The following ACAD10 variants were observed in gnomAD, a reference collection of about 807,000 sequenced individuals.
The protein encoded by ACAD10 is acyl-CoA dehydrogenase family member 10, also known as ACAD-10.
Under a neutral mutation model 116.8 loss-of-function variants are expected in ACAD10, and 112 were observed. The ratio of observed to expected loss-of-function variants is 0.96; its 90% confidence interval spans 0.82 to 1.12. ACAD10 has a LOEUF of 1.12. ACAD10 is among the 50% of genes most tolerant of loss of function. The pLI is 0.00. For synonymous variants in ACAD10, 486 were observed against 510.6 expected, an observed-to-expected ratio of 0.95 and a Z score of 0.65; for missense variants, 1,259 against 1,350.2, an observed-to-expected ratio of 0.93 and a Z score of 1.06.
intron 1 of ACAD10, chr12:111,688,285 A>G (rs551853049): frequency 1.3e-5 from 2 of 152,344 alleles, no homozygotes; most frequent in African/African-American, 4.8e-5. Context: ...AAAACTGAAA[A>G]TGCAAATGAA....
intron 19 of ACAD10, 22 bp from the exon 20 acceptor site, chr12:111,755,646 T>C (rs768242844): frequency 6.2e-7 from 1 of 1,608,746 alleles, no homozygotes; most frequent in Non-Finnish European, 8.5e-7. Flanking sequence ...TCTTTTATGA[T>C]CGCATCTCCT....
chr12:111,716,805 G>A (rs1327773380), intron 7 of ACAD10, among the ~76,000 whole-genome samples: 2 of 152,166 alleles, frequency 1.3e-5, no homozygotes, highest in East Asian at 1.9e-4. Flanking sequence ...GCACTGAGCC[G>A]AGGTGGGCAC....
Position 111,715,862 on chromosome 12 carries a change from C to T in ACAD10, c.892C>T (p.Pro298Ser), listed in dbSNP as rs749280557. ...LLQFDHGQSN[P>S]TYYIRLANRD... ...TCAGTTTGATCACGGGCAGTCAAAT[C>T]CAACTTACTACATCAGGCTGGCTAA... is the stretch of plus-strand genomic sequence containing the variant. Residue 298 changes from proline (P) to serine (S), a missense_variant, in exon 7 of 21, where the codon CCA (proline) becomes TCA (serine). Physicochemically the swap from Pro to Ser is moderately conservative, Grantham distance 74 (BLOSUM62 -1). Transcript: ENST00000313698. 2.5e-6 allele frequency: 4 copies of T among 1,614,092 alleles called. No individual in the cohort carries two copies. Among genetic ancestry groups the T allele is most frequent in the Non-Finnish European group, 3.4e-6 (4 of 1,180,030 alleles).
intron 8 of ACAD10, 82 bp downstream of exon 8, chr12:111,721,821 TAA>T: frequency 8.3e-7 from 1 of 1,203,822 alleles, no homozygotes; most frequent in Non-Finnish European, 1.1e-6. Flanking sequence ...TCCAATTTGT[TAA>T]AGACAAATAA....
intron 1 of ACAD10, among the ~76,000 whole-genome samples, chr12:111,689,448 T>C (rs1887975931): frequency 6.6e-6 from 1 of 151,940 alleles, no homozygotes; most frequent in Admixed American, 6.6e-5. Flanking sequence ...CTTGGTTCAC[T>C]GCAACCTCCA....
At position 111,726,663 on chromosome 12, in the gene ACAD10, C is replaced by A. The variant is rs187765421; in HGVS notation, c.1062-1299C>A. 1.6e-4 allele frequency among the ~76,000 whole-genome samples: 24 copies of A among 151,358 alleles called. No individual in the cohort carries two copies. In the East Asian group the frequency reaches 3.9e-3, roughly 25 times the overall value. On this transcript the variant is annotated intron_variant, in intron 8 of 20. Transcript: ENST00000313698. ...GATTACGAGGTCAGGAGATTGAGAC[C>A]ATCCTGGCTAACAGAGTGAAACACC...
chr12:111,740,536 G>C (rs901501172), intron 12 of ACAD10, among the ~76,000 whole-genome samples: 60 of 150,318 alleles, frequency 4.0e-4, no homozygotes, highest in Non-Finnish European at 8.1e-4. Flanking sequence ...GAGGCGGGGG[G>C]ATCACGAGGT....
chr12:111,727,845 A>G (rs1164839594), intron 8 of ACAD10, 117 bp from the exon 9 acceptor site: 4 of 1,041,858 alleles, frequency 3.8e-6, no homozygotes, highest in East Asian at 4.8e-5. Context: ...CTGGGTCTGA[A>G]CTCTTCACCA....
intron 1 of ACAD10, among the ~76,000 whole-genome samples, chr12:111,687,892 C>T (rs192813044): frequency 1.1e-3 from 168 of 151,060 alleles, no homozygotes; most frequent in Non-Finnish European, 2.1e-3. Context: ...TATTTTGAGA[C>T]GGAGTCTCAC....
chr12:111,752,289 T>C (rs1201375783), intron 18 of ACAD10, among the ~76,000 whole-genome samples: 1 of 151,864 alleles, frequency 6.6e-6, no homozygotes, highest in Non-Finnish European at 1.5e-5. Context: ...TTGTTGTTGT[T>C]GTTGTTGTTG....
At chr12:111,699,503 G>A (rs1422107221) in intron 2 of ACAD10, among the ~76,000 whole-genome samples, 20 of 152,056 alleles carry the variant, frequency 1.3e-4, no homozygotes. Flanking sequence ...TATACAAATT[G>A]GATCATATGC....
At chr12:111,721,977 T>C in intron 8 of ACAD10, 1 of 349,510 alleles carries the variant, frequency 2.9e-6, no homozygotes, top group Non-Finnish European at 5.1e-6. Context: ...AAAATACATA[T>C]TAATCTAGTT....
chr12:111,748,614 G>T (rs957618092), intron 17 of ACAD10, 139 bp downstream of exon 17: 1 of 913,814 alleles, frequency 1.1e-6, no homozygotes, highest in Non-Finnish European at 1.6e-6. Context: ...ACATGCTCCT[G>T]CATTTCATTT....
intron 2 of ACAD10, among the ~76,000 whole-genome samples, chr12:111,695,273 A>G (rs940221897): frequency 5.3e-5 from 8 of 152,132 alleles, no homozygotes; most frequent in Non-Finnish European, 1.2e-4. Context: ...GCCTGTTCAA[A>G]TCCTACTGAT....
At chr12:111,745,409 G>T in intron 13 of ACAD10, 1 of 313,244 alleles carries the variant, frequency 3.2e-6, no homozygotes, top group Non-Finnish European at 5.8e-6. Flanking sequence ...ATCACAGCTA[G>T]AGGGCCAGAT....
At position 111,746,274 on chromosome 12, in the gene ACAD10, A is replaced by T; in HGVS notation, c.2246A>T (p.Tyr749Phe). The T allele has an allele frequency of 1.9e-6, 3 of 1,612,514 alleles. No homozygotes were observed. The highest frequency in any genetic ancestry group is 2.5e-6 in the Non-Finnish European group (3 of 1,179,500). Residue 749 changes from tyrosine (Y) to phenylalanine (F), a missense_variant, in exon 14 of 21, where the codon TAT becomes TTT. Transcript: ENST00000313698. ...HLCELMGTSL[Y>F]APEVCNCSAP... ...TGTGAGCTCATGGGCACGTCCCTGT[A>T]TGCCCCCGAGGTACCTTCTTTAAAG...
intron 12 of ACAD10, among the ~76,000 whole-genome samples, chr12:111,740,067 G>A (rs1482542639): frequency 1.3e-5 from 2 of 152,152 alleles, no homozygotes; most frequent in Non-Finnish European, 2.9e-5. Context: ...GGGATGGCAG[G>A]GAATGAAACC....
chr12:111,751,552 G>A (rs1890071700), intron 18 of ACAD10, among the ~76,000 whole-genome samples: 1 of 152,054 alleles, frequency 6.6e-6, no homozygotes. Context: ...CCAACATGGT[G>A]ATACCCCGTC....
chr12:111,731,180 A>G (rs1265602322), intron 10 of ACAD10, among the ~76,000 whole-genome samples: 1 of 152,210 alleles, frequency 6.6e-6, no homozygotes, highest in Non-Finnish European at 1.5e-5. Flanking sequence ...TCCGTTAGCC[A>G]GCCACCTTTG....
Sources: gnomAD v4.1 joint callset for allele counts (sites outside exome capture counted in the v4.1 genomes callset) on GRCh38, gnomAD v4.1.1 for gene constraint, MANE v1.5 for transcripts, NCBI Gene and HGNC (gene_info 2026-07-23, HGNC 2026-07-21) for gene names.